Variants in CNGB3 observed in about 807,000 individuals in gnomAD.
CNGB3 encodes the protein cyclic nucleotide gated channel subunit beta 3.
In CNGB3, 86 loss-of-function variants were observed where a neutral mutation model predicts 92.8. The ratio of observed to expected loss-of-function variants is 0.93; its 90% CI spans 0.78 to 1.11. The LOEUF is 1.11. CNGB3 is among the 50% of genes least tolerant of loss of function. The pLI is 0.00. For missense variants in CNGB3, 1,026 were observed against 956.8 expected (o/e 1.07, Z -0.95); for synonymous variants, 333 against 332.7 (o/e 1.00, Z -0.01).
intron 10 of CNGB3, among the ~76,000 whole-genome samples, chr8:86,634,941 T>C (rs1823033947): frequency 1.3e-5 from 2 of 150,488 alleles, no homozygotes; most frequent in Admixed American, 6.7e-5. Context: ...TGAAATTCAA[T>C]ACCTTTTGAA....
chr8:86,576,034 CTTTATCTTCATTTTCTTTTTG>C lies in CNGB3; in HGVS notation c.2179_2199del (p.Gln727_Lys733del), dbSNP rs746549330. ...TTATCTTTATCTTCATTTTCTTTTC[CTTTATCTTCATTTTCTTTTTG>C]TTTATCTTCATTTTCTTTTTGTTTA... is the stretch of plus-strand genomic sequence containing the variant. On this transcript the variant is annotated inframe_deletion, in exon 18 of 18. Transcript: ENST00000320005. 957 of 1,608,278 alleles carry C rather than the reference CTTTATCTTCATTTTCTTTTTG, an allele frequency of 6.0e-4. 1 individual carries two copies. The African/African-American group carries it at 8.1e-3, about 14-fold the overall frequency.
chr8:86,581,109 C>T (rs771103612), intron 15 of CNGB3, among the ~76,000 whole-genome samples: 1 of 152,126 alleles, frequency 6.6e-6, no homozygotes, highest in Non-Finnish European at 1.5e-5. Context: ...TACTCCTGTC[C>T]TTACAACAAG....
rs1353542419 is a variant in CNGB3 at position 86,575,244 on chromosome 8, A to G, written c.*560T>C. The G allele has an allele frequency of 2.6e-5, 4 of 152,364 alleles. No individual in the cohort carries two copies. The highest frequency in any genetic ancestry group is 7.2e-5 in the African/African-American group (3 of 41,582). 9.4% of individuals were successfully genotyped at this position (152,364 alleles called of 1,614,324 possible). On this transcript the variant is annotated 3_prime_UTR_variant, in exon 18 of 18. Transcript: ENST00000320005. ...TCAGACTTCTCATTCAGAAAGCTTCATGATCTCTGCTTCCCTTCAGTCCCA... is the reference window on the plus strand; with the variant it reads ...TCAGACTTCTCATTCAGAAAGCTTCGTGATCTCTGCTTCCCTTCAGTCCCA...
chr8:86,611,241 C>T (rs992390207), intron 14 of CNGB3, among the ~76,000 whole-genome samples: 7 of 151,840 alleles, frequency 4.6e-5, no homozygotes, highest in Admixed American at 2.0e-4. Context: ...GATATTTTGC[C>T]GAAGACATAA....
intron 2 of CNGB3, among the ~76,000 whole-genome samples, chr8:86,737,837 C>T (rs1416603778): frequency 6.6e-6 from 1 of 152,184 alleles, no homozygotes; most frequent in African/African-American, 2.4e-5. Context: ...ATTTGGTTTT[C>T]TGTTCCTGAG....
At chr8:86,731,425 A>G (rs940290049) in intron 2 of CNGB3, among the ~76,000 whole-genome samples, 16 of 152,222 alleles carry the variant, frequency 1.1e-4, no homozygotes, top group African/African-American at 3.9e-4. Context: ...TGACTTTAGG[A>G]TACATCATCA....
intron 1 of CNGB3, among the ~76,000 whole-genome samples, chr8:86,740,707 T>TA (rs1024446330): frequency 2.6e-5 from 4 of 152,128 alleles, no homozygotes; most frequent in African/African-American, 9.7e-5. Flanking sequence ...CATTTTAAAC[T>TA]AAAAAATAAA....
intron 3 of CNGB3, among the ~76,000 whole-genome samples, chr8:86,725,890 G>A (rs566813713): frequency 4.2e-4 from 64 of 152,098 alleles, no homozygotes; most frequent in African/African-American, 1.4e-3. Flanking sequence ...TAACTGGATC[G>A]GCAGGTACAT....
chr8:86,643,679 C>G (rs1383391901), intron 10 of CNGB3, 72 bp downstream of exon 10: 39 of 1,518,766 alleles, frequency 2.6e-5, no homozygotes, highest in Non-Finnish European at 2.0e-5. Context: ...AACACTGGCT[C>G]TCATAAATTC....
At chr8:86,635,821 GATATATATATATATATAT>G (rs57486853) in intron 10 of CNGB3, among the ~76,000 whole-genome samples, 33 of 60,596 alleles carry the variant, frequency 5.4e-4, no homozygotes, top group African/African-American at 1.7e-3. Flanking sequence ...TATAACACAT[GATATATATATATATATAT>G]ATATATATAT....
At chr8:86,716,724 T>TA (rs1306479562) in intron 3 of CNGB3, among the ~76,000 whole-genome samples, 11 of 152,320 alleles carry the variant, frequency 7.2e-5, no homozygotes, top group Middle Eastern at 3.4e-3. Context: ...AAAGGGGCTC[T>TA]AAATCTTGAA....
chr8:86,709,542 G>T (rs1824711516), intron 3 of CNGB3, among the ~76,000 whole-genome samples: 1 of 152,176 alleles, frequency 6.6e-6, no homozygotes, highest in South Asian at 2.1e-4. Flanking sequence ...CTAGCTGATT[G>T]TTGGCATGAA....
chr8:86,667,753 G>T (rs527919964), intron 5 of CNGB3, among the ~76,000 whole-genome samples: 1 of 152,100 alleles, frequency 6.6e-6, no homozygotes, highest in Non-Finnish European at 1.5e-5. Flanking sequence ...CACATATTGC[G>T]GAGTGCTTTG....
chr8:86,709,449 C>G (rs890632404), intron 3 of CNGB3, among the ~76,000 whole-genome samples: 2 of 152,128 alleles, frequency 1.3e-5, no homozygotes, highest in Non-Finnish European at 2.9e-5. Context: ...GAGCCTGCTG[C>G]CCACATAAAG....
At chr8:86,590,790 C>A (rs1164436036) in intron 15 of CNGB3, among the ~76,000 whole-genome samples, 19 of 149,030 alleles carry the variant, frequency 1.3e-4, no homozygotes, top group South Asian at 1.1e-3. Context: ...CTTCATTTCA[C>A]CTTTGGTGAA....
At chr8:86,708,376 C>A (rs1373690379) in intron 3 of CNGB3, among the ~76,000 whole-genome samples, 4 of 151,874 alleles carry the variant, frequency 2.6e-5, no homozygotes, top group Non-Finnish European at 5.9e-5. Flanking sequence ...AGATCAACTT[C>A]AAATAGTTGC....
At chr8:86,611,445 C>T (rs1822518163) in intron 14 of CNGB3, 143 bp downstream of exon 14, 1 of 689,950 alleles carries the variant, frequency 1.4e-6, no homozygotes, top group Non-Finnish European at 2.7e-6. Context: ...CACGTTATTG[C>T]TGTACAGAGC....
At chr8:86,688,197 C>T (rs368224162) in intron 3 of CNGB3, among the ~76,000 whole-genome samples, 2 of 151,926 alleles carry the variant, frequency 1.3e-5, no homozygotes, top group Non-Finnish European at 2.9e-5. Context: ...TTCTTTTTCT[C>T]TCAACTGGGA....
chr8:86,589,368 C>T (rs7003279), intron 15 of CNGB3, among the ~76,000 whole-genome samples: 132,438 of 146,116 alleles, frequency 0.91, 60,294 homozygotes, highest in African/African-American at 0.97. Flanking sequence ...AGTTATTTCT[C>T]GCCTTCTGCT....
Sources: allele counts gnomAD v4.1 joint callset (sites outside exome capture counted in the v4.1 genomes callset), GRCh38; gene constraint gnomAD v4.1.1; transcripts MANE v1.5; gene names NCBI Gene and HGNC (gene_info 2026-07-23, HGNC 2026-07-21).